Variants in COL6A5 observed in about 807,000 individuals in gnomAD.
COL6A5 encodes the protein collagen alpha-5(VI) chain.
Under a neutral mutation model 65.6 loss-of-function variants are expected in COL6A5, and 48 were observed. The observed-to-expected ratio is 0.73, with a 90% CI of 0.58 to 0.93. The LOEUF (loss-of-function observed/expected upper bound fraction) is 0.93. COL6A5 is among the 40% of genes least tolerant of loss of function. The probability of loss-of-function intolerance (pLI) is 0.00; values close to 1 mark genes in which losing one functional copy is unlikely to be tolerated. For missense variants in COL6A5, 914 were observed against 928.3 expected (o/e 0.98, Z 0.20); for synonymous variants, 291 against 322.8 (o/e 0.90, Z 1.05).
intron 7 of COL6A5, among the ~76,000 whole-genome samples, chr3:130,480,623 A>G (rs531766243): frequency 1.3e-5 from 2 of 152,166 alleles, no homozygotes; most frequent in Non-Finnish European, 2.9e-5. Context: ...GTCAGTTTTT[A>G]TAATATGTCA....
intron 7 of COL6A5, among the ~76,000 whole-genome samples, chr3:130,473,052 G>A (rs1446745068): frequency 6.6e-6 from 1 of 150,580 alleles, no homozygotes; most frequent in Non-Finnish European, 1.5e-5. Context: ...AAGAGAGAGA[G>A]AAGATAGATA....
intron 12 of COL6A5, among the ~76,000 whole-genome samples, chr3:130,402,656 G>C (rs1239161550): frequency 6.6e-6 from 1 of 152,108 alleles, no homozygotes; most frequent in Non-Finnish European, 1.5e-5. Context: ...AGAGAGGCTG[G>C]GGGTGAATTG....
chr3:130,481,210 C>A (rs55865558), intron 7 of COL6A5, among the ~76,000 whole-genome samples: 11,659 of 149,698 alleles, frequency 0.078, 632 homozygotes, highest in African/African-American at 0.15. Context: ...CCCCACCCCC[C>A]GACAAGCCCC....
chr3:130,484,031 G>A lies in COL6A5; in HGVS notation c.2329-4G>A. ...AAAGCAGTGAATATTGTTATATTTT[G>A]CAGATGGTGAAGATACAAGGTCATC... On this transcript the variant is annotated splice_region_variant and splice_polypyrimidine_tract_variant and intron_variant, in intron 7 of 7. Transcript: ENST00000512836. The A allele has an allele frequency of 6.2e-7, 1 of 1,608,042 alleles. No individual in the cohort carries two copies.
At chr3:130,480,417 A>G (rs1710207452) in intron 7 of COL6A5, among the ~76,000 whole-genome samples, 1 of 152,070 alleles carries the variant, frequency 6.6e-6, no homozygotes, top group Non-Finnish European at 1.5e-5. Flanking sequence ...GAAATATTTT[A>G]AAGCATATAA....
intron 1 of COL6A5, among the ~76,000 whole-genome samples, chr3:130,434,407 G>A (rs940443536): frequency 6.6e-5 from 10 of 152,164 alleles, no homozygotes; most frequent in Non-Finnish European, 1.2e-4. Context: ...ATGTGTGCAT[G>A]ACTCTTTCTA....
At chr3:130,377,534 G>A (rs185721768) in intron 3 of COL6A5, among the ~76,000 whole-genome samples, 33 of 152,350 alleles carry the variant, frequency 2.2e-4, no homozygotes, top group African/African-American at 7.7e-4. Context: ...CCAGGAAGAA[G>A]AGGGGATGCC....
chr3:130,415,420 A>C (rs928860045), intron 22 of COL6A5, among the ~76,000 whole-genome samples: 1 of 152,028 alleles, frequency 6.6e-6, no homozygotes, highest in African/African-American at 2.4e-5. Flanking sequence ...TCTGTAGAAG[A>C]GGGATGAAGG....
chr3:130,426,323 C>A, intron 30 of COL6A5, 44 bp from the exon 31 acceptor site: 1 of 1,550,966 alleles, frequency 6.4e-7, no homozygotes, highest in Non-Finnish European at 8.7e-7. Context: ...TCAAAAGTCA[C>A]TGTACTTGCA....
intron 29 of COL6A5, among the ~76,000 whole-genome samples, chr3:130,424,336 G>A (rs1002567503): frequency 2.0e-5 from 3 of 152,012 alleles, no homozygotes; most frequent in Admixed American, 1.3e-4. Flanking sequence ...AAATATAGGC[G>A]CAACTTCCCC....
chr3:130,476,320 T>C (rs1710096989), intron 7 of COL6A5, among the ~76,000 whole-genome samples: 1 of 152,116 alleles, frequency 6.6e-6, no homozygotes, highest in African/African-American at 2.4e-5. Context: ...TAACCTTAAA[T>C]GCCTCCTTAA....
intron 7 of COL6A5, among the ~76,000 whole-genome samples, chr3:130,472,966 TAG>T (rs906221723): frequency 6.0e-5 from 9 of 149,206 alleles, no homozygotes; most frequent in Non-Finnish European, 8.9e-5. Context: ...TATCTATTTG[TAG>T]AGAGAACAAA....
intron 5 of COL6A5, among the ~76,000 whole-genome samples, chr3:130,459,599 TA>T (rs1278252385): frequency 6.6e-6 from 1 of 152,118 alleles, no homozygotes; most frequent in African/African-American, 2.4e-5. Flanking sequence ...AAGTCACTTT[TA>T]AGGGAAATGT....
chr3:130,463,938 T>A (rs2107609026), intron 5 of COL6A5, among the ~76,000 whole-genome samples: 1 of 152,120 alleles, frequency 6.6e-6, no homozygotes, highest in Admixed American at 6.5e-5. Context: ...TTTTAGACAT[T>A]TTGTAGATGA....
intron 3 of COL6A5, among the ~76,000 whole-genome samples, chr3:130,441,152 C>A (rs9835081): frequency 0.078 from 11,811 of 152,132 alleles, 1,000 homozygotes; most frequent in East Asian, 0.31. Flanking sequence ...AGAACATTCA[C>A]GTAAAAGTTT....
chr3:130,391,071 T>C (rs878983308), intron 6 of COL6A5, 108 bp from the exon 7 acceptor site: 1 of 696,312 alleles, frequency 1.4e-6, no homozygotes, highest in South Asian at 2.2e-5. Context: ...AGATATAGTG[T>C]CTGACACATA....
rs937999504 is a variant in COL6A5, at chr3:130,431,730, A to G, written c.270A>G (p.Thr90=). 8 of 1,551,502 alleles carry G rather than the reference A, an allele frequency of 5.2e-6. No homozygotes were observed. In the Admixed American group the frequency reaches 1.6e-4, roughly 30 times the overall value. ...CCCAAATAAAATATCAAGACACCAC[A>G]GAGCCCCGAGATGTTGGTAATGCAA... Residue 90 remains threonine (T), a synonymous_variant, in exon 1 of 8, where the codon ACA becomes ACG. Transcript: ENST00000512836.
chr3:130,413,563 G>C, exon 21 of COL6A5: 6 of 1,549,034 alleles, frequency 3.9e-6, no homozygotes, highest in Non-Finnish European at 5.2e-6. Flanking sequence ...AGGTCAAAGG[G>C]GACTCCGAGG....
exon 7 of COL6A5, chr3:130,391,270 A>G (rs1162503324): frequency 1.3e-6 from 2 of 1,551,624 alleles, no homozygotes; most frequent in Admixed American, 3.9e-5. Context: ...TGATTAACCT[A>G]ACTATCCATT....
Sources: gnomAD v4.1 joint callset for allele counts (sites outside exome capture counted in the v4.1 genomes callset) on GRCh38, gnomAD v4.1.1 for gene constraint, MANE v1.5 for transcripts, NCBI Gene and HGNC (gene_info 2026-07-23, HGNC 2026-07-21) for gene names.